The following SPP2 variants were observed in gnomAD, a reference collection of about 807,000 sequenced individuals.
SPP2 encodes secreted phosphoprotein 2.
Under a neutral mutation model 28.8 loss-of-function variants are expected in SPP2, and 34 were observed. That is an observed-to-expected ratio of 1.18 (90% CI 0.90 to 1.57). The LOEUF (loss-of-function observed/expected upper bound fraction) is 1.57. Among genes scored for constraint, SPP2 ranks in the 40% most tolerant of loss-of-function variants. The pLI is 0.00. For missense variants in SPP2, 269 were observed against 263.9 expected, an observed-to-expected ratio of 1.02 and a Z score of -0.13; for synonymous variants, 96 against 89.4, an observed-to-expected ratio of 1.07 and a Z score of -0.42.
In SPP2 at chr2:234,062,823, A is replaced by G. The variant is rs1693746847; in HGVS notation, c.444+2344A>G. 1.3e-5 allele frequency among the ~76,000 whole-genome samples: 2 copies of G among 152,192 alleles called. 1 individual carries two copies. Among genetic ancestry groups the G allele is most frequent in the South Asian group, 4.1e-4 (2 of 4,830 alleles). On this transcript the variant is annotated intron_variant, in intron 4 of 7. Transcript: ENST00000168148. ...TGGAAAGTGGGTTCTGATTGTTTGC[A>G]AAGCCTACAAATCTGTTGCAGCTTT... is the stretch of plus-strand genomic sequence containing the variant.
intron 5 of SPP2, 51 bp from the exon 6 acceptor site, chr2:234,067,173 A>G: frequency 6.5e-7 from 1 of 1,527,904 alleles, no homozygotes; most frequent in Non-Finnish European, 9.1e-7. Flanking sequence ...GTCATAGAAC[A>G]TTCTGGAACA....
rs1690871613 is a variant in SPP2, at chr2:234,075,146, G to C, written c.*11-1699G>C. ...GTGGGTAGGTTGACTCCAAGTTTTT[G>C]CTGCTCCGTGCCTGTCTGAGAATGA... On this transcript the variant is annotated intron_variant, in intron 7 of 7. Coordinates refer to ENST00000168148, the MANE Select transcript of SPP2 (RefSeq NM_006944.3). 3.3e-5 allele frequency among the ~76,000 whole-genome samples: 5 copies of C among 152,108 alleles called. No individual in the cohort carries two copies. In the South Asian group the frequency reaches 1.0e-3, roughly 32 times the overall value.
chr2:234,070,404 C>T (rs1389102939), intron 7 of SPP2, among the ~76,000 whole-genome samples: 2 of 152,220 alleles, frequency 1.3e-5, no homozygotes, highest in Non-Finnish European at 2.9e-5. Context: ...ACCTCCTCAC[C>T]TCACATCTAT....
chr2:234,067,109 T>C (rs1169305636), intron 5 of SPP2, 115 bp from the exon 6 acceptor site: 1 of 1,011,160 alleles, frequency 9.9e-7, no homozygotes, highest in Admixed American at 1.8e-5. Flanking sequence ...AACTCAATGG[T>C]GATCTCTCAC....
Position 234,067,259 on chromosome 2 carries a change from T to C in SPP2, c.535T>C (p.Tyr179His). 1 of 1,614,000 alleles carries C rather than the reference T, an allele frequency of 6.2e-7. No individual in the cohort carries two copies. ...AGACGAGTCCATAAGTGAACAATTTTATGATCGGTCACTTGGTAAGTGATT... is the reference window on the plus strand; with the variant it reads ...AGACGAGTCCATAAGTGAACAATTTCATGATCGGTCACTTGGTAAGTGATT... ...ISDESISEQF[Y>H]DRSLGIMRRV... Residue 179 changes from tyrosine to histidine, a missense_variant, in exon 6 of 8, where the codon TAT (tyrosine) becomes CAT (histidine). Coordinates refer to ENST00000168148, the MANE Select transcript of SPP2 (RefSeq NM_006944.3).
chr2:234,066,994 G>A (rs978495325), intron 5 of SPP2, among the ~76,000 whole-genome samples: 7 of 152,172 alleles, frequency 4.6e-5, no homozygotes, highest in African/African-American at 1.7e-4. Flanking sequence ...CAGGGAGGAA[G>A]GGCTCTCCTT....
At chr2:234,069,450 G>C (rs1208787492) in intron 6 of SPP2, among the ~76,000 whole-genome samples, 1 of 152,296 alleles carries the variant, frequency 6.6e-6, no homozygotes, top group East Asian at 1.9e-4. Flanking sequence ...AAATTAATGT[G>C]ACCAATTCTT....
chr2:234,056,708 T>G (rs1574824242), intron 2 of SPP2, among the ~76,000 whole-genome samples: 1 of 152,152 alleles, frequency 6.6e-6, no homozygotes, highest in South Asian at 2.1e-4. Context: ...GAGATTTTTA[T>G]TTTTTAATTT....
In SPP2 at chr2:234,067,226, C is replaced by G. The variant is rs1380880592; in HGVS notation, c.502C>G (p.Leu168Val). The G allele has an allele frequency of 4.3e-6, 7 of 1,613,640 alleles. No individual in the cohort carries two copies. The highest frequency in any genetic ancestry group is 5.1e-6 in the Non-Finnish European group (6 of 1,179,752). ...HKWRNNYLFG[L>V]ISDESISEQF... ...TTATGATTATTACTGTGTTACAGGT[C>G]TCATTTCAGACGAGTCCATAAGTGA... is the stretch of plus-strand genomic sequence containing the variant. Residue 168 changes from leucine to valine, a missense_variant and splice_region_variant, in exon 6 of 8, where the codon CTC becomes GTC. By Grantham distance (32) the Leu-to-Val change is conservative. Transcript: ENST00000168148.
At chr2:234,053,370 G>T (rs561415540) in intron 2 of SPP2, among the ~76,000 whole-genome samples, 2 of 152,202 alleles carry the variant, frequency 1.3e-5, no homozygotes, top group East Asian at 3.9e-4. Flanking sequence ...TGAGTATTTG[G>T]GGGTACAGTT....
intron 6 of SPP2, among the ~76,000 whole-genome samples, chr2:234,067,800 A>C (rs1693856584): frequency 6.6e-6 from 1 of 150,822 alleles, no homozygotes; most frequent in African/African-American, 2.4e-5. Flanking sequence ...AAAAAAAAAA[A>C]AAAAAAAAGT....
chr2:234,060,319 C>A (rs1574827671), intron 3 of SPP2, 50 bp from the exon 4 acceptor site: 1 of 1,273,024 alleles, frequency 7.9e-7, no homozygotes. Flanking sequence ...TGGAGGCTAT[C>A]CCTTTCCACA....
chr2:234,052,726 C>A (rs1461222336), intron 2 of SPP2, among the ~76,000 whole-genome samples: 1 of 152,206 alleles, frequency 6.6e-6, no homozygotes, highest in African/African-American at 2.4e-5. Context: ...TCTTGCCTCT[C>A]CCTGCCTTTT....
chr2:234,061,859 A>G (rs1271830306), intron 4 of SPP2, among the ~76,000 whole-genome samples: 3 of 152,092 alleles, frequency 2.0e-5, no homozygotes, highest in Non-Finnish European at 4.4e-5. Flanking sequence ...TCGAAGGTCA[A>G]CCCCCAGGTG....
chr2:234,070,381 G>A (rs990747438), intron 7 of SPP2, among the ~76,000 whole-genome samples: 3 of 152,170 alleles, frequency 2.0e-5, no homozygotes, highest in African/African-American at 4.8e-5. Flanking sequence ...TGCGGTCTCT[G>A]GTTGCTTCCT....
intron 2 of SPP2, among the ~76,000 whole-genome samples, chr2:234,053,978 C>G (rs1477375037): frequency 1.3e-5 from 2 of 152,126 alleles, no homozygotes; most frequent in East Asian, 3.9e-4. Flanking sequence ...TTAAATAAAC[C>G]AAATTCATTT....
chr2:234,073,011 G>A (rs906556388), intron 7 of SPP2, among the ~76,000 whole-genome samples: 7 of 151,952 alleles, frequency 4.6e-5, no homozygotes, highest in Non-Finnish European at 8.8e-5. Flanking sequence ...CCTCAGCCTC[G>A]TGAGTAGCTG....
At chr2:234,066,452 A>C (rs1574832504) in intron 4 of SPP2, 81 bp from the exon 5 acceptor site, 3 of 1,131,558 alleles carry the variant, frequency 2.7e-6, no homozygotes, top group Non-Finnish European at 4.0e-6. Context: ...AGAGTCTTCC[A>C]GATGACATTT....
intron 4 of SPP2, among the ~76,000 whole-genome samples, chr2:234,064,474 C>T (rs1574830975): frequency 6.6e-6 from 1 of 152,136 alleles, no homozygotes; most frequent in South Asian, 2.1e-4. Flanking sequence ...TTCTTTTATA[C>T]ATATAACTTT....
Sources: allele counts gnomAD v4.1 joint callset (sites outside exome capture counted in the v4.1 genomes callset), GRCh38; gene constraint gnomAD v4.1.1; transcripts MANE v1.5; gene names NCBI Gene and HGNC (gene_info 2026-07-23, HGNC 2026-07-21).